The following PLPPR1 variants were observed in gnomAD, a reference collection of about 807,000 sequenced individuals.
The protein encoded by PLPPR1 is phospholipid phosphatase-related protein type 1.
Under a neutral mutation model 33.1 loss-of-function variants are expected in PLPPR1, and 10 were observed. The ratio of observed to expected loss-of-function variants is 0.30; its 90% CI spans 0.19 to 0.51. PLPPR1 has a LOEUF of 0.51. Among genes scored for constraint, PLPPR1 ranks in the 20% least tolerant of loss-of-function variants. The pLI is 0.97. For synonymous variants in PLPPR1, 151 were observed against 151.0 expected (o/e 1.00, Z 0.00); for missense variants, 304 against 408.1 (o/e 0.74, Z 2.20).
At chr9:101,058,612 G>A (rs1830306748) in intron 1 of PLPPR1, among the ~76,000 whole-genome samples, 1 of 152,102 alleles carries the variant, frequency 6.6e-6, no homozygotes, top group Non-Finnish European at 1.5e-5. Flanking sequence ...AGGCAAAATA[G>A]CATTTTGTAC....
chr9:101,081,747 G>A (rs144457957), intron 1 of PLPPR1, among the ~76,000 whole-genome samples: 59 of 152,268 alleles, frequency 3.9e-4, no homozygotes, highest in African/African-American at 1.4e-3. Context: ...TTAAATCTTA[G>A]AAAAAGGAAT....
At position 101,127,194 on chromosome 9, in the gene PLPPR1, C is replaced by T. The variant is rs541699199; in HGVS notation, c.-45-58256C>T. Among the ~76,000 whole-genome samples the T allele has an allele frequency of 1.3e-3, 198 of 152,338 alleles. 2 individuals are homozygous for T. Among genetic ancestry groups the T allele is most frequent in the African/African-American group, 4.1e-3 (171 of 41,588 alleles). ...CTTCTTTTAGACATCCTCGGGTGTCCTTTGACGATGTGTCCTCTGCTTTCA... is the reference window on the plus strand; with the variant it reads ...CTTCTTTTAGACATCCTCGGGTGTCTTTTGACGATGTGTCCTCTGCTTTCA... On this transcript the variant is annotated intron_variant, in intron 1 of 7. Transcript: ENST00000374874.
intron 2 of PLPPR1, among the ~76,000 whole-genome samples, chr9:101,228,342 T>C (rs904697107): frequency 4.9e-4 from 75 of 152,154 alleles, no homozygotes; most frequent in African/African-American, 1.8e-3. Context: ...AGGGATGCAG[T>C]GGAACAAACA....
At chr9:101,254,268 T>C (rs1360276630) in intron 2 of PLPPR1, among the ~76,000 whole-genome samples, 1 of 152,104 alleles carries the variant, frequency 6.6e-6, no homozygotes, top group Non-Finnish European at 1.5e-5. Flanking sequence ...AGACAGTCCA[T>C]CTAGGGGTGA....
At position 101,051,034 on chromosome 9, in the gene PLPPR1, C is replaced by T. The variant is rs542502838; in HGVS notation, c.-46+21932C>T. 1.4e-4 allele frequency among the ~76,000 whole-genome samples: 22 copies of T among 152,282 alleles called. No individual in the cohort carries two copies. In the Middle Eastern group the frequency reaches 0.01, roughly 71 times the overall value. ...GAAGATGATCCTTTCATAGTTTCAT[C>T]TTGCCTCTATTACTTCTTATTTTCA... On this transcript the variant is annotated intron_variant, in intron 1 of 7. Coordinates refer to ENST00000374874, the MANE Select transcript of PLPPR1 (RefSeq NM_207299.2).
intron 2 of PLPPR1, among the ~76,000 whole-genome samples, chr9:101,250,825 T>C (rs1459949444): frequency 6.6e-6 from 1 of 152,118 alleles, no homozygotes; most frequent in Non-Finnish European, 1.5e-5. Flanking sequence ...ATTTGGGGAC[T>C]AAACTGTGGC....
intron 1 of PLPPR1, among the ~76,000 whole-genome samples, chr9:101,111,423 A>G (rs1487465655): frequency 6.6e-6 from 1 of 152,202 alleles, no homozygotes; most frequent in African/African-American, 2.4e-5. Context: ...ATTTATATGT[A>G]ACTGATGCAT....
intron 1 of PLPPR1, among the ~76,000 whole-genome samples, chr9:101,033,282 C>T (rs551960124): frequency 8.5e-5 from 13 of 152,256 alleles, no homozygotes; most frequent in Admixed American, 2.0e-4. Context: ...GATAGCACTT[C>T]GGGTTTGACC....
intron 1 of PLPPR1, among the ~76,000 whole-genome samples, chr9:101,048,988 G>A (rs1314312289): frequency 6.6e-6 from 1 of 152,136 alleles, no homozygotes; most frequent in African/African-American, 2.4e-5. Context: ...CACATCAAGG[G>A]AAGTTCAATT....
intron 1 of PLPPR1, among the ~76,000 whole-genome samples, chr9:101,056,064 T>G (rs923471282): frequency 6.6e-6 from 1 of 152,220 alleles, no homozygotes; most frequent in African/African-American, 2.4e-5. Flanking sequence ...CATAAGTGCT[T>G]TACGGGCATT....
chr9:101,219,570 C>T (rs1826883584), intron 2 of PLPPR1, among the ~76,000 whole-genome samples: 1 of 152,114 alleles, frequency 6.6e-6, no homozygotes. Context: ...AATATATTAC[C>T]TACAGGAAGT....
intron 3 of PLPPR1, among the ~76,000 whole-genome samples, chr9:101,276,165 CTT>C (rs1004569246): frequency 1.3e-5 from 2 of 152,086 alleles, no homozygotes; most frequent in African/African-American, 4.8e-5. Flanking sequence ...TGTTGAAACT[CTT>C]TATAACATTT....
rs189456593 is a variant in PLPPR1, at chr9:101,198,566, C to T, written c.63+13009C>T. The stretch of plus-strand genomic sequence containing the variant: ...GGGCAGTGTGGTGTATCTTCACATA[C>T]ATAACATGATGAGAGGTGGAGCCTT... On this transcript the variant is annotated intron_variant, in intron 2 of 7. Transcript: ENST00000374874. Among the ~76,000 whole-genome samples, 130 of 152,260 alleles carry T rather than the reference C, an allele frequency of 8.5e-4. 1 individual carries two copies. In the East Asian group the frequency reaches 0.023, roughly 27 times the overall value.
chr9:101,264,673 A>C (rs899815749), intron 2 of PLPPR1, among the ~76,000 whole-genome samples: 2 of 152,210 alleles, frequency 1.3e-5, no homozygotes, highest in Non-Finnish European at 2.9e-5. Context: ...CTGATTGACT[A>C]GCTTTGATAG....
intron 1 of PLPPR1, among the ~76,000 whole-genome samples, chr9:101,151,050 G>A (rs533450342): frequency 2.0e-5 from 3 of 152,094 alleles, no homozygotes; most frequent in East Asian, 1.9e-4. Flanking sequence ...TCTTAAACAT[G>A]TGGTATTTGA....
intron 1 of PLPPR1, among the ~76,000 whole-genome samples, chr9:101,067,202 A>G (rs1271654771): frequency 1.3e-5 from 2 of 150,026 alleles, no homozygotes; most frequent in Non-Finnish European, 3.0e-5. Context: ...GTAACTGAAC[A>G]ATATAATATT....
chr9:101,250,780 A>C (rs1304895542), intron 2 of PLPPR1, among the ~76,000 whole-genome samples: 1 of 152,110 alleles, frequency 6.6e-6, no homozygotes, highest in African/African-American at 2.4e-5. Flanking sequence ...ATTCCATGCC[A>C]AACTTCATGA....
At chr9:101,031,044 C>T (rs1245318979) in intron 1 of PLPPR1, among the ~76,000 whole-genome samples, 2 of 152,046 alleles carry the variant, frequency 1.3e-5, no homozygotes, top group Non-Finnish European at 2.9e-5. Flanking sequence ...AGATAGAAAT[C>T]TGAGTGTTTT....
chr9:101,152,334 C>G (rs943598016), intron 1 of PLPPR1, among the ~76,000 whole-genome samples: 17 of 152,050 alleles, frequency 1.1e-4, no homozygotes, highest in Non-Finnish European at 1.9e-4. Flanking sequence ...GAAATTTTCT[C>G]CCATTCTGTA....
Sources: allele counts gnomAD v4.1 joint callset (sites outside exome capture counted in the v4.1 genomes callset), GRCh38; gene constraint gnomAD v4.1.1; transcripts MANE v1.5; gene names NCBI Gene and HGNC (gene_info 2026-07-23, HGNC 2026-07-21).